The following PLEKHA6 variants were observed in gnomAD, a reference collection of about 807,000 sequenced individuals.
The protein encoded by PLEKHA6 is pleckstrin homology domain-containing family A member 6.
PLEKHA6 carries 60 observed loss-of-function variants against 116.7 expected under a neutral mutation model. The ratio of observed to expected loss-of-function variants is 0.51; its 90% CI spans 0.42 to 0.64. The LOEUF (loss-of-function observed/expected upper bound fraction) is 0.64, where lower values mean the gene tolerates loss of function less well. Ranked by LOEUF, PLEKHA6 falls within the 30% of genes least tolerant of loss-of-function variation. The pLI, the probability that PLEKHA6 is intolerant of heterozygous loss-of-function variation, is 0.00. For missense variants in PLEKHA6, 1,338 were observed against 1,422.7 expected (o/e 0.94, Z 0.96); for synonymous variants, 489 against 556.1 (o/e 0.88, Z 1.70).
At chr1:204,349,775 G>C (rs1673214934) in intron 1 of PLEKHA6, among the ~76,000 whole-genome samples, 2 of 152,232 alleles carry the variant, frequency 1.3e-5, no homozygotes, top group South Asian at 4.1e-4. Flanking sequence ...CCTGGAAGGT[G>C]AGAGCAGTGG....
intron 1 of PLEKHA6, among the ~76,000 whole-genome samples, chr1:204,345,463 G>A (rs1347509278): frequency 6.6e-6 from 1 of 151,824 alleles, no homozygotes; most frequent in Non-Finnish European, 1.5e-5. Flanking sequence ...TTTCCACTGA[G>A]AACCCTCTCC....
intron 15 of PLEKHA6, among the ~76,000 whole-genome samples, chr1:204,244,438 T>A (rs1266080384): frequency 6.6e-6 from 1 of 152,008 alleles, no homozygotes; most frequent in Admixed American, 6.6e-5. Context: ...CCCTGCCACG[T>A]GTGTATCTTT....
At chr1:204,366,776 T>C (rs918918634) in intron 3 of PLEKHA6, among the ~76,000 whole-genome samples, 1 of 151,772 alleles carries the variant, frequency 6.6e-6, no homozygotes, top group Non-Finnish European at 1.5e-5. Flanking sequence ...AAAGAAAAAA[T>C]AGGTTAGCGG....
chr1:204,283,725 A>G (rs554854419), intron 1 of PLEKHA6, among the ~76,000 whole-genome samples: 2 of 152,318 alleles, frequency 1.3e-5, no homozygotes, highest in South Asian at 4.2e-4. Flanking sequence ...AGAACACAGT[A>G]ATGAAAGCCA....
chr1:204,268,069 T>A (rs759513689), intron 4 of PLEKHA6, 139 bp downstream of exon 4: 59 of 545,736 alleles, frequency 1.1e-4, no homozygotes, highest in Non-Finnish European at 1.7e-4. Context: ...TGAGCCTTTA[T>A]AAAATTAGGA....
chr1:204,349,820 C>T (rs905562392), intron 1 of PLEKHA6, among the ~76,000 whole-genome samples: 5 of 152,278 alleles, frequency 3.3e-5, no homozygotes, highest in African/African-American at 9.6e-5. Context: ...AGCCTTAGTG[C>T]GCATGCTGTC....
chr1:204,339,976 A>T (rs1341663816), intron 1 of PLEKHA6, among the ~76,000 whole-genome samples: 4 of 152,266 alleles, frequency 2.6e-5, no homozygotes, highest in Non-Finnish European at 5.9e-5. Context: ...AAAGATCAGG[A>T]GGCACATGGA....
intron 17 of PLEKHA6, among the ~76,000 whole-genome samples, chr1:204,234,784 T>C (rs1661703519): frequency 6.6e-6 from 1 of 151,444 alleles, no homozygotes; most frequent in Non-Finnish European, 1.5e-5. Flanking sequence ...GAGACTGACC[T>C]AGCCACCCAG....
intron 1 of PLEKHA6, among the ~76,000 whole-genome samples, chr1:204,344,085 T>G (rs527719712): frequency 6.6e-6 from 1 of 152,198 alleles, no homozygotes; most frequent in African/African-American, 2.4e-5. Context: ...GCCCAGGAGT[T>G]TGAGACCAGC....
chr1:204,299,613 G>T (rs975841499), intron 1 of PLEKHA6: 12 of 982,568 alleles, frequency 1.2e-5, no homozygotes, highest in South Asian at 4.7e-5. Context: ...AAAACATCTC[G>T]CATTCTTTCT....
chr1:204,313,015 CTTTCT>C (rs71145077), intron 1 of PLEKHA6, among the ~76,000 whole-genome samples: 7 of 135,488 alleles, frequency 5.2e-5, no homozygotes, highest in Middle Eastern at 3.7e-3. Context: ...AGCCCATTTT[CTTTCT>C]TTTCTTTTCT....
chr1:204,253,054 G>A (rs7511993), intron 9 of PLEKHA6, among the ~76,000 whole-genome samples: 4,097 of 152,302 alleles, frequency 0.027, 178 homozygotes, highest in African/African-American at 0.093. Flanking sequence ...TCTTCAAAAT[G>A]TTAGATTTTG....
intron 12 of PLEKHA6, among the ~76,000 whole-genome samples, chr1:204,248,021 G>T (rs1406052838): frequency 6.6e-6 from 1 of 152,104 alleles, no homozygotes; most frequent in Non-Finnish European, 1.5e-5. Context: ...ATTATTCAGA[G>T]GTTAGAGAGC....
intron 2 of PLEKHA6, among the ~76,000 whole-genome samples, chr1:204,274,055 T>C (rs986038631): frequency 6.6e-6 from 1 of 151,786 alleles, no homozygotes; most frequent in African/African-American, 2.4e-5. Context: ...CACCTCAGCT[T>C]CCAGAGTAGA....
At position 204,277,528 on chromosome 1, in the gene PLEKHA6, G is replaced by C. The variant is rs1453665357; in HGVS notation, c.-94-2719C>G. 2 of 152,124 alleles carry C rather than the reference G, an allele frequency of 1.3e-5. No homozygotes were observed. Among genetic ancestry groups the C allele is most frequent in the Non-Finnish European group, 2.9e-5 (2 of 68,034 alleles). The allele number at this position is 152,124 out of a possible 1,614,324, so 9.4% of individuals were successfully genotyped here. A position where few individuals can be genotyped will look rare whatever the true frequency, so the allele number is the denominator to read the frequency against. On this transcript the variant is annotated intron_variant, in intron 1 of 22. Transcript: ENST00000272203. The surrounding 1 kb of genome is among the most constrained non-coding windows in gnomAD (Gnocchi z 4.1). ...AAACCCATGCCAGCCCGACCTGTAG[G>C]GAGACAGTCCTCCTGCCTCCCCAAT... is the stretch of plus-strand genomic sequence containing the variant.
rs574446822 is a variant in PLEKHA6, at chr1:204,288,922, TTA to T, written c.-94-14115_-94-14114del. ...ATAGTTCAAAGTTGCAGAAATTATT[TTA>T]GTGTCTTTGGAGGATACAGACGGAA... On this transcript the variant is annotated intron_variant, in intron 1 of 22. Transcript: ENST00000272203. Among the ~76,000 whole-genome samples, 335 of 152,298 alleles carry T rather than the reference TTA, an allele frequency of 2.2e-3. 2 individuals carry two copies. Among genetic ancestry groups the T allele is most frequent in the Non-Finnish European group, 3.3e-3 (224 of 68,026 alleles).
At chr1:204,273,183 G>A (rs867199370) in intron 3 of PLEKHA6, among the ~76,000 whole-genome samples, 2 of 151,960 alleles carry the variant, frequency 1.3e-5, no homozygotes, top group Non-Finnish European at 2.9e-5. Flanking sequence ...CATGACCTTC[G>A]TGACTATCCT....
At chr1:204,365,735 AG>A (rs1259147213) in intron 3 of PLEKHA6, among the ~76,000 whole-genome samples, 1 of 152,236 alleles carries the variant, frequency 6.6e-6, no homozygotes, top group Non-Finnish European at 1.5e-5. Context: ...TCTAGGAGGG[AG>A]TGAAAAACAC....
At chr1:204,236,293 C>T (rs998287095) in intron 17 of PLEKHA6, among the ~76,000 whole-genome samples, 6 of 152,112 alleles carry the variant, frequency 3.9e-5, no homozygotes, top group East Asian at 1.9e-4. Context: ...CCACTGTGAG[C>T]GAGATGGAAA....
Sources: allele counts gnomAD v4.1 joint callset (sites outside exome capture counted in the v4.1 genomes callset), GRCh38; gene constraint gnomAD v4.1.1; non-coding constraint Gnocchi (gnomAD v3.1); transcripts MANE v1.5; gene names NCBI Gene and HGNC (gene_info 2026-07-23, HGNC 2026-07-21).